SLAMF8: variants seen among roughly 807,000 people sequenced by gnomAD.
SLAMF8 encodes SLAM family member 8.
In SLAMF8, 23 loss-of-function variants were observed where a neutral mutation model predicts 29.0. The ratio of observed to expected loss-of-function variants is 0.79; its 90% CI spans 0.57 to 1.13. SLAMF8 has a LOEUF of 1.13. Ranked by LOEUF, SLAMF8 falls within the 50% of genes most tolerant of loss-of-function variation. The pLI, the probability that SLAMF8 is intolerant of heterozygous loss-of-function variation, is 0.00. For synonymous variants in SLAMF8, 139 were observed against 145.6 expected (o/e 0.96, Z 0.32); for missense variants, 381 against 353.1 (o/e 1.08, Z -0.63).
chr1:159,830,112 G>A lies in SLAMF8; in HGVS notation c.287G>A (p.Gly96Glu), dbSNP rs1647372007. 3 of 1,614,218 alleles carry A rather than the reference G, an allele frequency of 1.9e-6. No individual in the cohort carries two copies. The highest frequency in any genetic ancestry group is 1.1e-5 in the South Asian group (1 of 91,086). ...CTGGAGCTCGGGCCGCTGGAGTCTG[G>A]AGACAGCGGCAACTTCTCCGTGTTG... ...LSLELGPLES[G>E]DSGNFSVLMV... Residue 96 changes from glycine (G) to glutamate (E), a missense_variant, in exon 2 of 5, where the codon GGA becomes GAA. Transcript: ENST00000289707.
intron 1 of SLAMF8, among the ~76,000 whole-genome samples, chr1:159,829,329 T>C (rs1157123894): frequency 4.6e-5 from 7 of 152,234 alleles, no homozygotes; most frequent in Non-Finnish European, 1.0e-4. Context: ...GGTCTCTGCA[T>C]GATCTGACTC....
At position 159,829,889 on chromosome 1, in the gene SLAMF8, G is replaced by C; in HGVS notation, c.64G>C (p.Gly22Arg). The change falls in exon 2 of 5, where the codon GGT becomes CGT. Residue 22 changes from glycine to arginine, a missense_variant. Gly to Arg is a moderately radical substitution (Grantham distance 125). Coordinates refer to ENST00000289707, the MANE Select transcript of SLAMF8 (RefSeq NM_020125.3). Reference sequence around the variant, plus strand: ...AGCCCTACTTCCCATTACAGTTACTGGTGCCCAAGTGCTGAGCAAAGTCGG... The same window carrying C: ...AGCCCTACTTCCCATTACAGTTACTCGTGCCCAAGTGCTGAGCAAAGTCGG... ...WEALLPITVT[G>R]AQVLSKVGGS... 6.2e-7 allele frequency: 1 copy of C among 1,612,470 alleles called. No individual in the cohort carries two copies. The highest frequency in any genetic ancestry group is 1.1e-5 in the South Asian group (1 of 90,902).
intron 2 of SLAMF8, 39 bp from the exon 3 acceptor site, chr1:159,832,837 A>C (rs2494480): frequency 0.14 from 225,240 of 1,591,912 alleles, 24,400 homozygotes; most frequent in East Asian, 0.53. Flanking sequence ...CCTGCCCAGC[A>C]TCCCTGAGAC....
At chr1:159,833,208 T>A (rs201087347) in intron 3 of SLAMF8, 27 bp downstream of exon 3, 1 of 1,613,992 alleles carries the variant, frequency 6.2e-7, no homozygotes, top group Non-Finnish European at 8.5e-7. Flanking sequence ...CAGTCAGTGG[T>A]TGAGGGCTTA....
At chr1:159,829,768 T>C (rs1647330979) in intron 1 of SLAMF8, 98 bp from the exon 2 acceptor site, 12 of 1,322,440 alleles carry the variant, frequency 9.1e-6, no homozygotes, top group South Asian at 1.5e-5. Flanking sequence ...GGAATGTCAG[T>C]GGAGGGGCCC....
At chr1:159,832,405 T>C (rs1647550304) in intron 2 of SLAMF8, among the ~76,000 whole-genome samples, 1 of 152,186 alleles carries the variant, frequency 6.6e-6, no homozygotes, top group Non-Finnish European at 1.5e-5. Flanking sequence ...GTGAGAGAAA[T>C]ACTACAAAAA....
At chr1:159,829,412 T>TC (rs1647309011) in intron 1 of SLAMF8, among the ~76,000 whole-genome samples, 2 of 151,996 alleles carry the variant, frequency 1.3e-5, no homozygotes, top group African/African-American at 4.8e-5. Flanking sequence ...GCACCAACTC[T>TC]CCCCCTCCAG....
chr1:159,835,171 A>G lies in SLAMF8; in HGVS notation c.782-13A>G. On this transcript the variant is annotated splice_polypyrimidine_tract_variant and intron_variant, in intron 4 of 4. Coordinates refer to ENST00000289707, the MANE Select transcript of SLAMF8 (RefSeq NM_020125.3). ...CACTGGAGGGGTAACTTTCTTTCTGATGTCCTTACCAGGGAAAAAGAAAAA... is the reference window on the plus strand; with the variant it reads ...CACTGGAGGGGTAACTTTCTTTCTGGTGTCCTTACCAGGGAAAAAGAAAAA... 2.5e-6 allele frequency: 4 copies of G among 1,612,656 alleles called. No homozygotes were observed.
chr1:159,831,970 A>G (rs1647518833), intron 2 of SLAMF8, among the ~76,000 whole-genome samples: 1 of 152,220 alleles, frequency 6.6e-6, no homozygotes, highest in South Asian at 2.1e-4. Context: ...AACTGGCATT[A>G]ACGAGGTTTT....
At position 159,827,027 on chromosome 1, in the gene SLAMF8, G is replaced by C. The variant is rs150316214; in HGVS notation, c.40+89G>C. 8 of 1,527,138 alleles carry C rather than the reference G, an allele frequency of 5.2e-6. No individual in the cohort carries two copies. The Middle Eastern group carries it at 9.7e-4, about 185-fold the overall frequency. The allele number at this position is 1,527,138 out of a possible 1,614,324, so 94.6% of individuals were successfully genotyped here. On this transcript the variant is annotated intron_variant, in intron 1 of 4. Transcript: ENST00000289707. ...CCAGACGTCTGGGCAGGGATCCCTC[G>C]ACCTGGGTGAGAACCCAGAAGCTGA...
At chr1:159,828,452 T>C (rs949797197) in intron 1 of SLAMF8, among the ~76,000 whole-genome samples, 2 of 152,142 alleles carry the variant, frequency 1.3e-5, no homozygotes, top group Non-Finnish European at 2.9e-5. Context: ...TGAGCAACCA[T>C]CCAGATCATG....
chr1:159,829,202 T>C (rs778306087), intron 1 of SLAMF8, among the ~76,000 whole-genome samples: 16 of 152,172 alleles, frequency 1.1e-4, no homozygotes, highest in Middle Eastern at 3.2e-3. Flanking sequence ...ATTCTCCACA[T>C]CCCTGCTGGA....
Position 159,833,076 on chromosome 1 carries a change from C to G in SLAMF8, c.568C>G (p.Leu190Val). The part of the protein sequence containing the change: ...FTDGQVLSIS[L>V]GPGDRDVAYS... ...AGACGGACAGGTGCTGAGCATTTCC[C>G]TGGGACCAGGAGACAGAGATGTGGC... The change falls in exon 3 of 5, where the codon CTG becomes GTG. Residue 190 changes from leucine to valine, a missense_variant. By Grantham distance (32) the Leu-to-Val change is conservative. Coordinates refer to ENST00000289707, the MANE Select transcript of SLAMF8 (RefSeq NM_020125.3). 6.2e-7 allele frequency: 1 copy of G among 1,614,226 alleles called. No homozygotes were observed. The highest frequency in any genetic ancestry group is 8.5e-7 in the Non-Finnish European group (1 of 1,180,038).
At chr1:159,831,678 T>C (rs1647497898) in intron 2 of SLAMF8, among the ~76,000 whole-genome samples, 1 of 152,210 alleles carries the variant, frequency 6.6e-6, no homozygotes, top group Admixed American at 6.5e-5. Flanking sequence ...TTTAAGGAAA[T>C]TGCTGTTTTA....
chr1:159,836,175 T>C lies in SLAMF8; in HGVS notation c.*915T>C, dbSNP rs902620088. The C allele has an allele frequency of 2.3e-5, 23 of 985,270 alleles. No individual in the cohort carries two copies. Among genetic ancestry groups the C allele is most frequent in the Non-Finnish European group, 2.7e-5 (22 of 829,932 alleles). 61.0% of individuals were successfully genotyped at this position (985,270 alleles called of 1,614,324 possible). ...CTGAAACTGAGAGAGTGAAGAACCA[T>C]AAAACGCTATGCAGAAGGAACATTA... On this transcript the variant is annotated 3_prime_UTR_variant, in exon 5 of 5. Transcript: ENST00000289707.
rs773792767 is a variant in SLAMF8, at chr1:159,832,990, C to T, written c.482C>T (p.Thr161Ile). ...TGGGCCCCCAACATCAGCGAAATAA[C>T]CTATAGCTGGCGACGGGAGACAACC... Reference protein sequence around the residue: ...SCWAPNISEITYSWRRETTMD... With the variant: ...SCWAPNISEIIYSWRRETTMD... Residue 161 changes from threonine to isoleucine, a missense_variant, in exon 3 of 5, where the codon ACC becomes ATC. By Grantham distance (89) the Thr-to-Ile change is moderately conservative. Transcript: ENST00000289707. The T allele has an allele frequency of 3.1e-6, 5 of 1,614,222 alleles. No homozygotes were observed. In the Admixed American group the frequency reaches 8.3e-5, roughly 27 times the overall value.
At chr1:159,833,410 G>C in intron 4 of SLAMF8, 41 bp downstream of exon 4, 3 of 1,613,118 alleles carry the variant, frequency 1.9e-6, no homozygotes, top group South Asian at 1.1e-5. Context: ...GGAGGAAGTG[G>C]AGTTCCTGGG....
intron 4 of SLAMF8, 65 bp downstream of exon 4, chr1:159,833,434 T>C: frequency 6.2e-7 from 1 of 1,607,370 alleles, no homozygotes; most frequent in Admixed American, 1.7e-5. Context: ...GAGGGGGTCT[T>C]GGACCTCCTC....
At chr1:159,831,301 G>A (rs1205422739) in intron 2 of SLAMF8, among the ~76,000 whole-genome samples, 1 of 152,090 alleles carries the variant, frequency 6.6e-6, no homozygotes, top group African/African-American at 2.4e-5. Context: ...GCAAATTGGG[G>A]AGATGTCTTG....
Sources: allele counts gnomAD v4.1 joint callset (sites outside exome capture counted in the v4.1 genomes callset), GRCh38; gene constraint gnomAD v4.1.1; transcripts MANE v1.5; gene names NCBI Gene and HGNC (gene_info 2026-07-23, HGNC 2026-07-21).